Variants in IGF2BP1 observed in about 807,000 individuals in gnomAD.
IGF2BP1 encodes insulin-like growth factor 2 mRNA-binding protein 1.
Under a neutral mutation model 74.9 loss-of-function variants are expected in IGF2BP1, and 11 were observed. That is an observed-to-expected ratio of 0.15 (90% CI 0.09 to 0.24). The LOEUF (loss-of-function observed/expected upper bound fraction) is 0.24. Among genes scored for constraint, IGF2BP1 ranks in the 10% least tolerant of loss-of-function variants. The probability of loss-of-function intolerance (pLI) is 1.00; values close to 1 mark genes in which losing one functional copy is unlikely to be tolerated. For synonymous variants in IGF2BP1, 287 were observed against 281.8 expected, an observed-to-expected ratio of 1.02 and a Z score of -0.18; for missense variants, 440 against 757.4, an observed-to-expected ratio of 0.58 and a Z score of 4.92.
rs1165941221 is a variant in IGF2BP1 at position 48,999,099 on chromosome 17, T to TA, written c.176-8dup. 2 of 1,525,386 alleles carry TA rather than the reference T, an allele frequency of 1.3e-6. No individual in the cohort carries two copies. Among genetic ancestry groups the TA allele is most frequent in the Admixed American group, 1.7e-5 (1 of 57,614 alleles). The allele number at this position is 1,525,386 out of a possible 1,614,324, so 94.5% of individuals were successfully genotyped here. ...AGCTCTCATGGTAATTTTTTTTTTT[T>TA]AATCTTTAGGGAAAGTAGAATTACA... On this transcript the variant is annotated splice_polypyrimidine_tract_variant and intron_variant, in intron 1 of 14. Transcript: ENST00000290341.
At position 49,053,090 on chromosome 17, in the gene IGF2BP1, T is replaced by C. The variant is rs1298771432; in HGVS notation, c.*3646T>C. On this transcript the variant is annotated 3_prime_UTR_variant, in exon 15 of 15. Coordinates refer to ENST00000290341, the MANE Select transcript of IGF2BP1 (RefSeq NM_006546.4). ...TAAGGACAGGGAGTTTTATAGCCCT[T>C]TTCTACTTTCCTCCCCTCCTCCCAG... The C allele has an allele frequency of 6.6e-6, 1 of 152,228 alleles. No individual in the cohort carries two copies. Among genetic ancestry groups the C allele is most frequent in the African/African-American group, 2.4e-5 (1 of 41,444 alleles). The allele number at this position is 152,228 out of a possible 1,614,324, so 9.4% of individuals were successfully genotyped here. A position where few individuals can be genotyped will look rare whatever the true frequency, so the allele number is the denominator to read the frequency against.
chr17:49,025,313 A>AGTGT (rs369153046), intron 2 of IGF2BP1, among the ~76,000 whole-genome samples: 24,536 of 133,186 alleles, frequency 0.18, 2,355 homozygotes, highest in East Asian at 0.26. Context: ...GGACAAACAA[A>AGTGT]GTGTGTGTGT....
intron 2 of IGF2BP1, among the ~76,000 whole-genome samples, chr17:48,999,664 G>T (rs2041460689): frequency 6.6e-6 from 1 of 151,804 alleles, no homozygotes. Flanking sequence ...CCTTATGCTT[G>T]TACTTTATTT....
chr17:49,055,487 A>C lies in IGF2BP1; in HGVS notation c.*6043A>C. 2 of 374,370 alleles carry C rather than the reference A, an allele frequency of 5.3e-6. No individual in the cohort carries two copies. Among genetic ancestry groups the C allele is most frequent in the Non-Finnish European group, 9.5e-6 (2 of 211,380 alleles). 23.2% of individuals were successfully genotyped at this position (374,370 alleles called of 1,614,324 possible). A position where few individuals can be genotyped will look rare whatever the true frequency, so the allele number is the denominator to read the frequency against. On this transcript the variant is annotated 3_prime_UTR_variant, in exon 15 of 15. Transcript: ENST00000290341. ...CAGGAATAAAGGCTTTGTTTTGGGG[A>C]TGCTTAAATCTTGACTGGCACTTCC...
intron 2 of IGF2BP1, 34 bp from the exon 3 acceptor site, chr17:49,025,584 G>A (rs748194682): frequency 6.2e-7 from 1 of 1,602,970 alleles, no homozygotes; most frequent in South Asian, 1.1e-5. Flanking sequence ...TGTATTCAGA[G>A]CTTTCTTTAA....
chr17:49,012,194 C>T (rs1011948077), intron 2 of IGF2BP1, among the ~76,000 whole-genome samples: 6 of 152,270 alleles, frequency 3.9e-5, no homozygotes, highest in Middle Eastern at 3.4e-3. Flanking sequence ...CATGAGCCAC[C>T]GTGCCCGGCC....
Position 48,997,734 on chromosome 17 carries a change from G to A in IGF2BP1, c.-12G>A, listed in dbSNP as rs1013764524. 19 of 1,611,258 alleles carry A rather than the reference G, an allele frequency of 1.2e-5. No homozygotes were observed. The highest frequency in any genetic ancestry group is 1.5e-5 in the Non-Finnish European group (18 of 1,178,452). Reference sequence around the variant, plus strand: ...CTTGCCCGGGACCGCGTCCTGCCCCGAGACCGCCACCATGAACAAGCTTTA... The same window carrying A: ...CTTGCCCGGGACCGCGTCCTGCCCCAAGACCGCCACCATGAACAAGCTTTA... On this transcript the variant is annotated 5_prime_UTR_variant, in exon 1 of 15. Coordinates refer to ENST00000290341, the MANE Select transcript of IGF2BP1 (RefSeq NM_006546.4). This position sits in a 1 kb window ranked among gnomAD's most constrained non-coding sequence, Gnocchi z 4.8.
At chr17:49,040,213 G>A (rs1433217444) in intron 7 of IGF2BP1, 122 bp downstream of exon 7, 5 of 1,096,646 alleles carry the variant, frequency 4.6e-6, no homozygotes, top group Non-Finnish European at 5.3e-6. Flanking sequence ...ACAAAAAGAT[G>A]TAAACTGAGA....
rs758179451 is a variant in IGF2BP1, at chr17:48,999,213, G to T, written c.236+44G>T. Reference sequence around the variant, plus strand: ...CGGGGGGGGTGGGGGGGCCGCGGGGGTGTGCTGTGAAGCTGTGTTCAGGGG... The same window carrying T: ...CGGGGGGGGTGGGGGGGCCGCGGGGTTGTGCTGTGAAGCTGTGTTCAGGGG... On this transcript the variant is annotated intron_variant, in intron 2 of 14. Transcript: ENST00000290341. 14 of 968,598 alleles carry T rather than the reference G, an allele frequency of 1.4e-5. 1 individual carries two copies. The highest frequency in any genetic ancestry group is 5.5e-5 in the Admixed American group (3 of 54,218). 60.0% of individuals were successfully genotyped at this position (968,598 alleles called of 1,614,324 possible). A position where few individuals can be genotyped will look rare whatever the true frequency, so the allele number is the denominator to read the frequency against.
rs746176970 is a variant in IGF2BP1, at chr17:48,997,907, C to G, written c.162C>G (p.Ile54Met). 6.2e-7 allele frequency: 1 copy of G among 1,613,640 alleles called. No individual in the cohort carries two copies. Among genetic ancestry groups the G allele is most frequent in the Non-Finnish European group, 8.5e-7 (1 of 1,179,892 alleles). Residue 54 changes from isoleucine (I) to methionine (M), a missense_variant, in exon 1 of 15, where the codon ATC (isoleucine) becomes ATG (methionine). Around this residue, in one of 5 missense-constraint regions of IGF2BP1, gnomAD observed 105 missense variants for 199.4 expected, o/e 0.53. Coordinates refer to ENST00000290341, the MANE Select transcript of IGF2BP1 (RefSeq NM_006546.4). The surrounding 1 kb of genome is among the most constrained non-coding windows in gnomAD (Gnocchi z 4.8). ...CPDEHWAMKA[I>M]ETFSGKVELQ... Reference sequence around the variant, plus strand: ...ACGAGCACTGGGCGATGAAGGCCATCGAAACTTTCTCCGGTAAGAACACAG... The same window carrying G: ...ACGAGCACTGGGCGATGAAGGCCATGGAAACTTTCTCCGGTAAGAACACAG...
intron 2 of IGF2BP1, among the ~76,000 whole-genome samples, chr17:49,009,466 T>G (rs775357314): frequency 6.6e-6 from 1 of 152,106 alleles, no homozygotes. Context: ...TCCCAGCACT[T>G]TGGGAGGCCA....
Position 49,045,072 on chromosome 17 carries a change from GTCT to G in IGF2BP1, c.1395+9_1395+11del. 6.2e-7 allele frequency: 1 copy of G among 1,612,752 alleles called. No homozygotes were observed. Among genetic ancestry groups the G allele is most frequent in the Non-Finnish European group, 8.5e-7 (1 of 1,178,802 alleles). On this transcript the variant is annotated splice_region_variant and intron_variant, in intron 12 of 14. Transcript: ENST00000290341. ...GCCAGAGGCCCAATTCAAGGTTTTG[GTCT>G]TTATTGTTTTCCAAGCTGAACATGG... is the stretch of plus-strand genomic sequence containing the variant.
chr17:48,999,147 C>A lies in IGF2BP1; in HGVS notation c.214C>A (p.His72Asn). Residue 72 changes from histidine (H) to asparagine (N), a missense_variant, in exon 2 of 15, where the codon CAT becomes AAT. By Grantham distance (68) the His-to-Asn change is moderately conservative (BLOSUM62 1). Transcript: ENST00000290341. ...ELQGKRLEIEHSVPKKQRSRK... is the reference protein window; with the variant it reads ...ELQGKRLEIENSVPKKQRSRK... ...ACAAGGAAAACGCTTAGAGATTGAACATTCGGTGCCCAAAAAACAAAGGTA... is the reference window on the plus strand; with the variant it reads ...ACAAGGAAAACGCTTAGAGATTGAAAATTCGGTGCCCAAAAAACAAAGGTA... The A allele has an allele frequency of 1.3e-6, 2 of 1,510,708 alleles. No homozygotes were observed. Among genetic ancestry groups the A allele is most frequent in the Non-Finnish European group, 1.8e-6 (2 of 1,113,220 alleles). 93.6% of individuals were successfully genotyped at this position (1,510,708 alleles called of 1,614,324 possible).
At chr17:49,028,694 G>A (rs1299536781) in intron 4 of IGF2BP1, among the ~76,000 whole-genome samples, 1 of 152,214 alleles carries the variant, frequency 6.6e-6, no homozygotes, top group Non-Finnish European at 1.5e-5. Flanking sequence ...GGAGAGAACA[G>A]TATGGGAAAT....
chr17:49,046,385 G>A lies in IGF2BP1; in HGVS notation c.1641+12G>A. 6.3e-7 allele frequency: 1 copy of A among 1,596,736 alleles called. No individual in the cohort carries two copies. The highest frequency in any genetic ancestry group is 8.6e-7 in the Non-Finnish European group (1 of 1,164,342). Reference sequence around the variant, plus strand: ...TCTATGCCAGTCAGGTACATATGGTGCTCCCCCATTGAGGGAGGGCTGCAG... The same window carrying A: ...TCTATGCCAGTCAGGTACATATGGTACTCCCCCATTGAGGGAGGGCTGCAG... On this transcript the variant is annotated intron_variant, in intron 14 of 14. Coordinates refer to ENST00000290341, the MANE Select transcript of IGF2BP1 (RefSeq NM_006546.4).
At chr17:49,024,291 G>A (rs1177688444) in intron 2 of IGF2BP1, among the ~76,000 whole-genome samples, 1 of 151,840 alleles carries the variant, frequency 6.6e-6, no homozygotes, top group Non-Finnish European at 1.5e-5. Context: ...ATGCGCATGT[G>A]GTCCCAGCTA....
At chr17:49,039,683 T>C (rs938025361) in intron 6 of IGF2BP1, among the ~76,000 whole-genome samples, 3 of 152,066 alleles carry the variant, frequency 2.0e-5, no homozygotes, top group Admixed American at 6.6e-5. Flanking sequence ...CGCCTCGGCC[T>C]CCAAAAGTGC....
chr17:49,000,419 T>A (rs1229539930), intron 2 of IGF2BP1, among the ~76,000 whole-genome samples: 2 of 152,262 alleles, frequency 1.3e-5, no homozygotes. Context: ...TATGGCTTGT[T>A]ACTATGTTTA....
rs1386051348 is a variant in IGF2BP1, at chr17:49,044,942, G to C, written c.1321-49G>C. 4.7e-6 allele frequency: 7 copies of C among 1,475,520 alleles called. No individual in the cohort carries two copies. In the South Asian group the frequency reaches 7.9e-5, roughly 17 times the overall value. 91.4% of individuals were successfully genotyped at this position (1,475,520 alleles called of 1,614,324 possible). On this transcript the variant is annotated intron_variant, in intron 11 of 14. Transcript: ENST00000290341. ...GGAACTGGATGAAGTGGACATGGTG[G>C]GGGTCTTCCCATAGAGGGTCCCTCA... is the stretch of plus-strand genomic sequence containing the variant.
Sources: gnomAD v4.1 joint callset for allele counts (sites outside exome capture counted in the v4.1 genomes callset) on GRCh38, gnomAD v4.1.1 for gene constraint, gnomAD v4.1.1 regional missense constraint, Gnocchi (gnomAD v3.1) non-coding constraint, MANE v1.5 for transcripts, NCBI Gene and HGNC (gene_info 2026-07-23, HGNC 2026-07-21) for gene names.